The following GNA12 variants were observed in gnomAD, a reference collection of about 807,000 sequenced individuals.
The protein encoded by GNA12 is guanine nucleotide-binding protein subunit alpha-12.
Under a neutral mutation model 26.0 loss-of-function variants are expected in GNA12, and 9 were observed. The observed-to-expected ratio is 0.35, with a 90% CI of 0.21 to 0.60. GNA12 has a LOEUF of 0.60. GNA12 is among the 20% of genes least tolerant of loss of function. GNA12 has a pLI of 0.78. For missense variants in GNA12, 405 were observed against 525.8 expected (o/e 0.77, Z 2.25); for synonymous variants, 264 against 219.6 (o/e 1.20, Z -1.79).
rs528690675 is a variant in GNA12 at position 2,793,280 on chromosome 7, G to C, written c.525+1648C>G. On this transcript the variant is annotated intron_variant, in intron 2 of 3. Coordinates refer to ENST00000275364, the MANE Select transcript of GNA12 (RefSeq NM_007353.3). ...TTCCAGGCCAGGATCCAGCAGACAGGAGCGCGAGAGGAAGCAGCGGACAGG... is the reference window on the plus strand; with the variant it reads ...TTCCAGGCCAGGATCCAGCAGACAGCAGCGCGAGAGGAAGCAGCGGACAGG... Among the ~76,000 whole-genome samples, 334 of 151,884 alleles carry C rather than the reference G, an allele frequency of 2.2e-3. 1 individual carries two copies. The highest frequency in any genetic ancestry group is 3.6e-3 in the Admixed American group (55 of 15,248).
intron 1 of GNA12, among the ~76,000 whole-genome samples, chr7:2,840,962 G>C (rs545824629): frequency 2.8e-4 from 42 of 152,340 alleles, no homozygotes; most frequent in African/African-American, 9.4e-4. Flanking sequence ...GTTTTAAATT[G>C]AAAGATGAAT....
intron 2 of GNA12, among the ~76,000 whole-genome samples, chr7:2,779,483 C>T (rs561925644): frequency 1.3e-5 from 2 of 151,802 alleles, no homozygotes; most frequent in South Asian, 4.2e-4. Flanking sequence ...ACACTCCAGC[C>T]TGGGAGACAG....
Position 2,831,694 on chromosome 7 carries a change from C to T in GNA12, c.309+12159G>A, listed in dbSNP as rs559427724. ...CTGGGATTACAGGCATGAACCACCG[C>T]GCCCCGCCTGGAACTTCATTTTCTT... On this transcript the variant is annotated intron_variant, in intron 1 of 3. Transcript: ENST00000275364. Among the ~76,000 whole-genome samples, 7 of 152,098 alleles carry T rather than the reference C, an allele frequency of 4.6e-5. No individual in the cohort carries two copies. The East Asian group carries it at 9.7e-4, about 21-fold the overall frequency.
intron 2 of GNA12, chr7:2,775,367 G>A (rs1473146206): frequency 2.0e-5 from 3 of 152,228 alleles, no homozygotes; most frequent in Non-Finnish European, 4.4e-5. Context: ...GGGTGATGAG[G>A]ATTGAAGTCA....
rs1048945128 is a variant in GNA12, at chr7:2,729,984, GCA to G, written c.*1195_*1196del. On this transcript the variant is annotated 3_prime_UTR_variant, in exon 4 of 4. Transcript: ENST00000275364. Reference sequence around the variant, plus strand: ...TCCGAGAGTGTTTACTCTTCTGCAAGCACAGTCATAGAAGCGAGGGGCCTCGA... The same window carrying G: ...TCCGAGAGTGTTTACTCTTCTGCAAGCAGTCATAGAAGCGAGGGGCCTCGA... 1.3e-5 allele frequency: 2 copies of G among 152,374 alleles called. No individual in the cohort carries two copies. Among genetic ancestry groups the G allele is most frequent in the African/African-American group, 4.8e-5 (2 of 41,448 alleles). The allele number at this position is 152,374 out of a possible 1,614,324, so 9.4% of individuals were successfully genotyped here. A position where few individuals can be genotyped will look rare whatever the true frequency, so the allele number is the denominator to read the frequency against.
In GNA12 at chr7:2,814,774, C is replaced by T. The variant is rs1793175422; in HGVS notation, c.310-19631G>A. 3.7e-6 allele frequency: 4 copies of T among 1,088,528 alleles called. No individual in the cohort carries two copies. The South Asian group carries it at 5.6e-5, about 15-fold the overall frequency. 67.4% of individuals were successfully genotyped at this position (1,088,528 alleles called of 1,614,324 possible). On this transcript the variant is annotated intron_variant, in intron 1 of 3. Transcript: ENST00000275364. The stretch of plus-strand genomic sequence containing the variant: ...TTTATCAGCCTGTCCAACACACATC[C>T]TAGAAAGGGTTCCCTGACCTGCCCC...
At chr7:2,732,475 G>C (rs988853722) in intron 3 of GNA12, among the ~76,000 whole-genome samples, 1 of 152,176 alleles carries the variant, frequency 6.6e-6, no homozygotes, top group African/African-American at 2.4e-5. Context: ...GAACCTAGGA[G>C]GTTGAGGCTA....
chr7:2,830,604 G>A (rs1562449076), intron 1 of GNA12, among the ~76,000 whole-genome samples: 2 of 152,194 alleles, frequency 1.3e-5, no homozygotes, highest in African/African-American at 2.4e-5. Flanking sequence ...CCTTCCCCGA[G>A]CAAAGGGGGA....
intron 2 of GNA12, among the ~76,000 whole-genome samples, chr7:2,759,718 T>C (rs1049107603): frequency 6.6e-6 from 1 of 152,170 alleles, no homozygotes; most frequent in Admixed American, 6.5e-5. Context: ...AGGAGAGAGA[T>C]GTATACACTT....
chr7:2,743,299 T>C (rs971054043), intron 2 of GNA12, among the ~76,000 whole-genome samples: 1 of 152,168 alleles, frequency 6.6e-6, no homozygotes, highest in African/African-American at 2.4e-5. Context: ...AGCAAAAATA[T>C]CAACATTAGA....
At chr7:2,822,560 C>G (rs1459430839) in intron 1 of GNA12, among the ~76,000 whole-genome samples, 1 of 152,100 alleles carries the variant, frequency 6.6e-6, no homozygotes, top group African/African-American at 2.4e-5. Context: ...CCTCAATCAA[C>G]AAAAAGAAAA....
At chr7:2,792,246 T>C (rs1792539149) in intron 2 of GNA12, among the ~76,000 whole-genome samples, 1 of 152,232 alleles carries the variant, frequency 6.6e-6, no homozygotes, top group Non-Finnish European at 1.5e-5. Context: ...AATGAATGAA[T>C]GAGTGAAGAA....
Position 2,748,987 on chromosome 7 carries a change from T to C in GNA12, c.526-15486A>G, listed in dbSNP as rs527285874. On this transcript the variant is annotated intron_variant, in intron 2 of 3. Transcript: ENST00000275364. ...TGCCATTTCACACCAGTTAGAATGG[T>C]GATCATTAAAAAGTCAGGAAACAAC... Among the ~76,000 whole-genome samples, 1,460 of 152,164 alleles carry C rather than the reference T, an allele frequency of 9.6e-3. 13 individuals are homozygous for C. Among genetic ancestry groups the C allele is most frequent in the Middle Eastern group, 0.075 (22 of 294 alleles).
At chr7:2,791,374 G>A (rs780175702) in intron 2 of GNA12, among the ~76,000 whole-genome samples, 1 of 152,220 alleles carries the variant, frequency 6.6e-6, no homozygotes, top group Non-Finnish European at 1.5e-5. Context: ...AGGCGGCCAG[G>A]CTGCCTCCCC....
intron 2 of GNA12, among the ~76,000 whole-genome samples, chr7:2,766,457 C>T (rs191933882): frequency 2.7e-5 from 4 of 149,202 alleles, no homozygotes; most frequent in Non-Finnish European, 5.9e-5. Flanking sequence ...GCCATCTTGG[C>T]TCACTGCAAC....
intron 2 of GNA12, chr7:2,764,805 C>A (rs1791736382): frequency 6.6e-6 from 1 of 152,230 alleles, no homozygotes; most frequent in Non-Finnish European, 1.5e-5. Flanking sequence ...CCGGCGGACC[C>A]TGAAGGGAAC....
chr7:2,777,534 TA>T (rs1221376497), intron 2 of GNA12, among the ~76,000 whole-genome samples: 2 of 152,164 alleles, frequency 1.3e-5, no homozygotes, highest in Admixed American at 6.5e-5. Context: ...TGATTAGGGT[TA>T]GAAGAGGTCA....
chr7:2,781,622 T>C (rs867426049), intron 2 of GNA12, among the ~76,000 whole-genome samples: 1 of 152,184 alleles, frequency 6.6e-6, no homozygotes, highest in Non-Finnish European at 1.5e-5. Context: ...ATTTCAGGCT[T>C]TGTGGGTCTA....
rs56384682 is a variant in GNA12, at chr7:2,763,191, AAC to A, written c.526-29692_526-29691del. 7.8e-3 allele frequency: 1,740 copies of A among 222,552 alleles called. 17 individuals are homozygous for A. The highest frequency in any genetic ancestry group is 0.018 in the African/African-American group (651 of 37,018). 13.8% of individuals were successfully genotyped at this position (222,552 alleles called of 1,614,324 possible). On this transcript the variant is annotated intron_variant, in intron 2 of 3. Coordinates refer to ENST00000275364, the MANE Select transcript of GNA12 (RefSeq NM_007353.3). ...TTAGCAGGACTTCACAAGACACCCC[AAC>A]ACACACACACACACACACACACACA... is the stretch of plus-strand genomic sequence containing the variant.
Sources: allele counts gnomAD v4.1 joint callset (sites outside exome capture counted in the v4.1 genomes callset), GRCh38; gene constraint gnomAD v4.1.1; transcripts MANE v1.5; gene names NCBI Gene and HGNC (gene_info 2026-07-23, HGNC 2026-07-21).